The following NALF1 variants were observed in gnomAD, a reference collection of about 807,000 sequenced individuals.
NALF1 encodes the protein family with sequence similarity 155 member A.
Under a neutral mutation model 48.4 loss-of-function variants are expected in NALF1, and 3 were observed. The observed-to-expected ratio is 0.06, with a 90% confidence interval of 0.03 to 0.16. The LOEUF (loss-of-function observed/expected upper bound fraction) is 0.16, where lower values mean the gene tolerates loss of function less well. Ranked by LOEUF, NALF1 falls within the 10% of genes least tolerant of loss-of-function variation. The probability of loss-of-function intolerance (pLI) is 1.00; values close to 1 mark genes in which losing one functional copy is unlikely to be tolerated. For synonymous variants in NALF1, 262 were observed against 245.7 expected (o/e 1.07, Z -0.62); for missense variants, 526 against 571.5 (o/e 0.92, Z 0.81).
intron 1 of NALF1, among the ~76,000 whole-genome samples, chr13:107,725,058 T>C (rs1876108728): frequency 6.6e-6 from 1 of 152,232 alleles, no homozygotes; most frequent in South Asian, 2.1e-4. Flanking sequence ...GTCTTACTTC[T>C]GGATAAAAAT....
chr13:107,317,318 T>C (rs1882169686), intron 1 of NALF1, among the ~76,000 whole-genome samples: 1 of 152,098 alleles, frequency 6.6e-6, no homozygotes, highest in African/African-American at 2.4e-5. Flanking sequence ...TAATAAACTA[T>C]CATTAAAGCA....
intron 1 of NALF1, among the ~76,000 whole-genome samples, chr13:107,722,999 A>G (rs898858067): frequency 6.6e-6 from 1 of 152,252 alleles, no homozygotes; most frequent in African/African-American, 2.4e-5. Context: ...CCACGTATTT[A>G]TCAGAATTTT....
chr13:107,240,388 T>C (rs897127002), intron 1 of NALF1, among the ~76,000 whole-genome samples: 28 of 152,324 alleles, frequency 1.8e-4, no homozygotes, highest in African/African-American at 6.3e-4. Context: ...CCAAACACAC[T>C]ATAACAGCAA....
At position 107,164,769 on chromosome 13, in the gene NALF1, C is replaced by T. The variant is rs1388953848; in HGVS notation, c.*5728G>A. 5 of 151,792 alleles carry T rather than the reference C, an allele frequency of 3.3e-5. No individual in the cohort carries two copies. The East Asian group carries it at 9.7e-4, about 29-fold the overall frequency. The allele number at this position is 151,792 out of a possible 1,614,324, so 9.4% of individuals were successfully genotyped here. On this transcript the variant is annotated 3_prime_UTR_variant, in exon 3 of 3. Transcript: ENST00000375915. ...TGAAAATCTATTGATGGTCAGTCTG[C>T]TAGCTTAAGGATGTGAGGTGTTGTT...
chr13:107,607,026 T>G (rs1391645212), intron 1 of NALF1, among the ~76,000 whole-genome samples: 1 of 152,194 alleles, frequency 6.6e-6, no homozygotes, highest in Non-Finnish European at 1.5e-5. Context: ...TCTTATTATA[T>G]TTATACATTG....
In NALF1 at chr13:107,550,766, G is replaced by T. The variant is rs1877269236; in HGVS notation, c.915+314916C>A. ...AAGGGTGAGTTTTGCATACCAAAGA[G>T]GATAACTAGACCAATGAACTATAAT... On this transcript the variant is annotated intron_variant, in intron 1 of 2. Coordinates refer to ENST00000375915, the MANE Select transcript of NALF1 (RefSeq NM_001080396.3). Among the ~76,000 whole-genome samples the T allele has an allele frequency of 1.3e-5, 2 of 152,090 alleles. 1 individual carries two copies. Among genetic ancestry groups the T allele is most frequent in the South Asian group, 4.2e-4 (2 of 4,818 alleles).
rs577659809 is a variant in NALF1 at position 107,182,251 on chromosome 13, T to C, written c.1088-11465A>G. ...CTGTGTGTGTGTGTGTGTGTGTGTG[T>C]CCGTGTGTGTGTGTGTGTGTGTTGG... On this transcript the variant is annotated intron_variant, in intron 2 of 2. Coordinates refer to ENST00000375915, the MANE Select transcript of NALF1 (RefSeq NM_001080396.3). Among the ~76,000 whole-genome samples the C allele has an allele frequency of 1.4e-3, 199 of 140,906 alleles. 2 individuals carry two copies. In the East Asian group the frequency reaches 0.036, roughly 26 times the overall value. The allele number at this position is 140,906 out of a possible 152,430, so 92.4% of individuals were successfully genotyped here.
At chr13:107,187,499 C>T (rs1034152745) in intron 2 of NALF1, among the ~76,000 whole-genome samples, 4 of 152,184 alleles carry the variant, frequency 2.6e-5, no homozygotes, top group African/African-American at 9.7e-5. Context: ...TTGCAGCAAC[C>T]TTCCCAGTAC....
intron 1 of NALF1, among the ~76,000 whole-genome samples, chr13:107,602,314 A>C (rs1414109130): frequency 1.3e-5 from 2 of 152,190 alleles, no homozygotes; most frequent in African/African-American, 2.4e-5. Flanking sequence ...AAAGCGGCTG[A>C]GAATAAGCTA....
At chr13:107,578,488 A>C (rs1878215038) in intron 1 of NALF1, among the ~76,000 whole-genome samples, 1 of 152,136 alleles carries the variant, frequency 6.6e-6, no homozygotes, top group South Asian at 2.1e-4. Flanking sequence ...GAATGGAACA[A>C]ATGTTTTGAA....
chr13:107,191,402 AT>A (rs1879277250), intron 2 of NALF1, among the ~76,000 whole-genome samples: 1 of 152,236 alleles, frequency 6.6e-6, no homozygotes. Flanking sequence ...AAAAGCAGTC[AT>A]TCTTGTGATA....
chr13:107,763,837 A>C (rs1877342560), intron 1 of NALF1, among the ~76,000 whole-genome samples: 1 of 152,198 alleles, frequency 6.6e-6, no homozygotes, highest in African/African-American at 2.4e-5. Context: ...TGAGATTTCC[A>C]ACCATTAGGG....
chr13:107,864,508 A>G lies in NALF1; in HGVS notation c.915+1174T>C, dbSNP rs544039797. On this transcript the variant is annotated intron_variant, in intron 1 of 2. Coordinates refer to ENST00000375915, the MANE Select transcript of NALF1 (RefSeq NM_001080396.3). Reference sequence around the variant, plus strand: ...CAGAACGCAAGTGAGACAGAGGAACAGTTGTTCTGCTTGTATATGGGATTG... The same window carrying G: ...CAGAACGCAAGTGAGACAGAGGAACGGTTGTTCTGCTTGTATATGGGATTG... Among the ~76,000 whole-genome samples the G allele has an allele frequency of 2.6e-5, 4 of 152,354 alleles. No individual in the cohort carries two copies. In the South Asian group the frequency reaches 8.3e-4, roughly 32 times the overall value.
At chr13:107,680,952 T>G (rs532347628) in intron 1 of NALF1, among the ~76,000 whole-genome samples, 1 of 38,200 alleles carries the variant, frequency 2.6e-5, no homozygotes. Flanking sequence ...TGTAACAGTG[T>G]GTGTGTGTGT....
intron 1 of NALF1, among the ~76,000 whole-genome samples, chr13:107,706,968 G>A (rs1314979240): frequency 6.4e-5 from 8 of 125,434 alleles, no homozygotes; most frequent in Admixed American, 1.9e-4. Flanking sequence ...TGTCGCCCAG[G>A]CTGGAGTGCA....
At chr13:107,299,301 C>T (rs1281570443) in intron 1 of NALF1, among the ~76,000 whole-genome samples, 1 of 151,948 alleles carries the variant, frequency 6.6e-6, no homozygotes, top group African/African-American at 2.4e-5. Context: ...CATGGTGGCG[C>T]ATGCCTGTAA....
At chr13:107,393,819 T>G (rs545965361) in intron 1 of NALF1, among the ~76,000 whole-genome samples, 1 of 152,314 alleles carries the variant, frequency 6.6e-6, no homozygotes, top group East Asian at 1.9e-4. Flanking sequence ...AATAAAACTC[T>G]ATATAACTCT....
At chr13:107,590,379 G>A (rs906392159) in intron 1 of NALF1, among the ~76,000 whole-genome samples, 5 of 152,024 alleles carry the variant, frequency 3.3e-5, no homozygotes, top group African/African-American at 1.2e-4. Context: ...ATTGTATTGT[G>A]AGATATTGTA....
At chr13:107,741,624 C>A (rs1187343875) in intron 1 of NALF1, among the ~76,000 whole-genome samples, 1 of 152,110 alleles carries the variant, frequency 6.6e-6, no homozygotes, top group Non-Finnish European at 1.5e-5. Context: ...TGAAACACTG[C>A]ATTTAGAAAT....
Sources: allele counts gnomAD v4.1 joint callset (sites outside exome capture counted in the v4.1 genomes callset), GRCh38; gene constraint gnomAD v4.1.1; transcripts MANE v1.5; gene names NCBI Gene and HGNC (gene_info 2026-07-23, HGNC 2026-07-21).